TACO1: variants seen among roughly 807,000 people sequenced by gnomAD.
TACO1 encodes the protein translational activator of cytochrome c oxidase I.
TACO1 carries 13 observed loss-of-function variants against 24.0 expected under a neutral mutation model. That is an observed-to-expected ratio of 0.54 (90% CI 0.35 to 0.86). The LOEUF (loss-of-function observed/expected upper bound fraction) is 0.86. TACO1 is among the 40% of genes least tolerant of loss of function. TACO1 has a pLI of 0.01. For missense variants in TACO1, 352 were observed against 380.1 expected (o/e 0.93, Z 0.61); for synonymous variants, 149 against 153.5 (o/e 0.97, Z 0.22).
chr17:63,601,101 T>TG lies in TACO1; in HGVS notation c.19dup (p.Ala7GlyfsTer94). 1 of 1,541,958 alleles carries TG rather than the reference T, an allele frequency of 6.5e-7. No homozygotes were observed. The highest frequency in any genetic ancestry group is 8.7e-7 in the Non-Finnish European group (1 of 1,146,004). ...CGGGACCGATGTCGGCTTGGGCTGC[T>TG]GCCAGCCTAAGCAGGGCCGCTGCCC... On this transcript the variant is annotated frameshift_variant, in exon 1 of 5. Transcript: ENST00000258975. LOFTEE classifies it high-confidence loss of function.
At chr17:63,602,402 A>G (rs1182451167) in intron 1 of TACO1, among the ~76,000 whole-genome samples, 1 of 152,098 alleles carries the variant, frequency 6.6e-6, no homozygotes, top group East Asian at 1.9e-4. Context: ...GAGGTAGTTT[A>G]TGGTTTATGG....
intron 1 of TACO1, among the ~76,000 whole-genome samples, chr17:63,603,327 T>TA (rs2033836026): frequency 6.6e-6 from 1 of 152,200 alleles, no homozygotes; most frequent in African/African-American, 2.4e-5. Flanking sequence ...GAAGTGTTGT[T>TA]ACCATCTATA....
rs142746951 is a variant in TACO1 at position 63,607,720 on chromosome 17, C to T, written c.694-82C>T. 5.5e-5 allele frequency: 72 copies of T among 1,297,826 alleles called. No individual in the cohort carries two copies. In the African/African-American group the frequency reaches 8.3e-4, roughly 15 times the overall value. The allele number at this position is 1,297,826 out of a possible 1,614,324, so 80.4% of individuals were successfully genotyped here. A position where few individuals can be genotyped will look rare whatever the true frequency, so the allele number is the denominator to read the frequency against. ...ACCCAGTGATCCATTCCAGTACTGA[C>T]ATTCAGGACTTTGCAAGGTCCTGTG... On this transcript the variant is annotated intron_variant, in intron 4 of 4. Coordinates refer to ENST00000258975, the MANE Select transcript of TACO1 (RefSeq NM_016360.4).
In TACO1 at chr17:63,600,925, T is replaced by G; in HGVS notation, c.-159T>G. 2.7e-6 allele frequency: 2 copies of G among 754,448 alleles called. No homozygotes were observed. The highest frequency in any genetic ancestry group is 1.7e-5 in the South Asian group (1 of 59,114). The allele number at this position is 754,448 out of a possible 1,614,324, so 46.7% of individuals were successfully genotyped here. The stretch of plus-strand genomic sequence containing the variant: ...CGGGTGCCGCGGGGACAGTGTAGGG[T>G]CATTAGCTGTTGAGCCGCCCCGGGC... On this transcript the variant is annotated 5_prime_UTR_variant, in exon 1 of 5. Transcript: ENST00000258975.
intron 2 of TACO1, 109 bp from the exon 3 acceptor site, chr17:63,606,204 G>A (rs1208161173): frequency 7.1e-7 from 1 of 1,402,686 alleles, no homozygotes; most frequent in Non-Finnish European, 1.0e-6. Flanking sequence ...TCAGGCTCCA[G>A]CCTAGAGAGC....
At chr17:63,607,529 G>T in intron 4 of TACO1, 65 bp downstream of exon 4, 3 of 1,554,774 alleles carry the variant, frequency 1.9e-6, no homozygotes, top group South Asian at 1.1e-5. Flanking sequence ...CCTTATGCAT[G>T]CCTCTTGGTT....
chr17:63,605,145 A>G (rs991781351), intron 2 of TACO1, among the ~76,000 whole-genome samples: 1 of 152,192 alleles, frequency 6.6e-6, no homozygotes, highest in African/African-American at 2.4e-5. Context: ...ATGCATAGGC[A>G]GTATGCAGGG....
intron 1 of TACO1, among the ~76,000 whole-genome samples, chr17:63,603,765 C>T (rs1442170870): frequency 6.6e-6 from 1 of 151,820 alleles, no homozygotes; most frequent in African/African-American, 2.4e-5. Flanking sequence ...CCTGTAATCC[C>T]GGCACTTTGG....
intron 2 of TACO1, among the ~76,000 whole-genome samples, chr17:63,605,879 T>C (rs62077472): frequency 3.2e-4 from 49 of 152,316 alleles, no homozygotes; most frequent in Non-Finnish European, 4.7e-4. Flanking sequence ...TTTGAGACCA[T>C]GCTGTTTTCA....
chr17:63,604,401 T>C, intron 1 of TACO1, 133 bp from the exon 2 acceptor site: 1 of 774,024 alleles, frequency 1.3e-6, no homozygotes, highest in Non-Finnish European at 2.3e-6. Flanking sequence ...GTTAAGGTAT[T>C]CTAAGGTAAC....
At position 63,601,291 on chromosome 17, in the gene TACO1, A is replaced by G. The variant is rs747909445; in HGVS notation, c.208A>G (p.Lys70Glu). 12 of 1,612,810 alleles carry G rather than the reference A, an allele frequency of 7.4e-6. No homozygotes were observed. The highest frequency in any genetic ancestry group is 1.0e-5 in the Non-Finnish European group (12 of 1,179,928). The change falls in exon 1 of 5, where the codon AAG becomes GAG. Residue 70 changes from lysine (K) to glutamate (E), a missense_variant. Lys to Glu is a moderately conservative substitution (Grantham distance 56, BLOSUM62 1). Coordinates refer to ENST00000258975, the MANE Select transcript of TACO1 (RefSeq NM_016360.4). ...CAAGTGGTCCAAAGTCAGGCACATC[A>G]AGGGTCCGAAGGACGTCGAAAGGAG... ...HNKWSKVRHIKGPKDVERSRI... is the reference protein window; with the variant it reads ...HNKWSKVRHIEGPKDVERSRI...
Position 63,601,091 on chromosome 17 carries a change from C to T in TACO1, c.8C>T (p.Ala3Val). The T allele has an allele frequency of 6.5e-7, 1 of 1,541,242 alleles. No individual in the cohort carries two copies. The highest frequency in any genetic ancestry group is 8.7e-7 in the Non-Finnish European group (1 of 1,146,044). ...ACCCCAGGGTCGGGACCGATGTCGG[C>T]TTGGGCTGCTGCCAGCCTAAGCAGG... MSAWAAASLSRAA... is the reference protein window; with the variant it reads MSVWAAASLSRAA... The change falls in exon 1 of 5, where the codon GCT becomes GTT. Residue 3 changes from alanine to valine, a missense_variant. Transcript: ENST00000258975.
chr17:63,607,636 C>A lies in TACO1; in HGVS notation c.694-166C>A, dbSNP rs1237639910. On this transcript the variant is annotated intron_variant, in intron 4 of 4. Transcript: ENST00000258975. ...TGAATAGGACCGACTCTAGTGAGGA[C>A]TATGAGAAAGAAAGAGTCAAAACAT... Among the ~76,000 whole-genome samples, 6 of 152,082 alleles carry A rather than the reference C, an allele frequency of 3.9e-5. No homozygotes were observed. In the East Asian group the frequency reaches 1.2e-3, roughly 29 times the overall value.
intron 3 of TACO1, 145 bp downstream of exon 3, chr17:63,606,585 G>T (rs948477564): frequency 2.9e-6 from 3 of 1,022,682 alleles, no homozygotes; most frequent in African/African-American, 1.6e-5. Flanking sequence ...CACTCTTGTC[G>T]CCCAGGCTGG....
intron 1 of TACO1, among the ~76,000 whole-genome samples, chr17:63,603,614 G>T (rs1034638715): frequency 8.5e-5 from 13 of 152,226 alleles, no homozygotes; most frequent in South Asian, 2.1e-4. Flanking sequence ...GCTGAGGCAG[G>T]AGAATCCCTT....
intron 3 of TACO1, chr17:63,607,040 G>A: frequency 7.1e-6 from 4 of 565,310 alleles, no homozygotes; most frequent in South Asian, 4.0e-5. Flanking sequence ...TAATGGCACA[G>A]GAAATTATCA....
chr17:63,601,348 C>T lies in TACO1; in HGVS notation c.265C>T (p.Arg89Cys), dbSNP rs369864553. Residue 89 changes from arginine to cysteine, a missense_variant, in exon 1 of 5, where the codon CGC becomes TGC. Arg to Cys is a radical substitution (Grantham distance 180, BLOSUM62 -3). Coordinates refer to ENST00000258975, the MANE Select transcript of TACO1 (RefSeq NM_016360.4). ...CTTCTCCAAACTCTGTTTGAACATCCGCCTGGCAGTGAAAGGTGAGACCCT... is the reference window on the plus strand; with the variant it reads ...CTTCTCCAAACTCTGTTTGAACATCTGCCTGGCAGTGAAAGGTGAGACCCT... The part of the protein sequence containing the change: ...RIFSKLCLNI[R>C]LAVKEGGPNP... 22 of 1,612,680 alleles carry T rather than the reference C, an allele frequency of 1.4e-5. No individual in the cohort carries two copies. Among genetic ancestry groups the T allele is most frequent in the Non-Finnish European group, 1.9e-5 (22 of 1,179,964 alleles).
chr17:63,604,445 C>G, intron 1 of TACO1, 89 bp from the exon 2 acceptor site: 1 of 1,141,962 alleles, frequency 8.8e-7, no homozygotes, highest in Non-Finnish European at 1.3e-6. Flanking sequence ...ACTCCTTTGG[C>G]TTGGTGGGGC....
intron 1 of TACO1, 79 bp from the exon 2 acceptor site, chr17:63,604,455 C>A: frequency 7.8e-7 from 1 of 1,277,402 alleles, no homozygotes; most frequent in Non-Finnish European, 1.1e-6. Context: ...CTTGGTGGGG[C>A]TGGAAATCCC....
Sources: allele counts gnomAD v4.1 joint callset (sites outside exome capture counted in the v4.1 genomes callset), GRCh38; gene constraint gnomAD v4.1.1; transcripts MANE v1.5; gene names NCBI Gene and HGNC (gene_info 2026-07-23, HGNC 2026-07-21).